PRKCE: variants seen among roughly 807,000 people sequenced by gnomAD.
PRKCE encodes the protein protein kinase C epsilon, also known as protein kinase C epsilon type.
PRKCE carries 16 observed loss-of-function variants against 85.4 expected under a neutral mutation model. That is an observed-to-expected ratio of 0.19 (90% CI 0.13 to 0.28). The LOEUF is 0.28. PRKCE is among the 10% of genes least tolerant of loss of function. The pLI is 1.00. For missense variants in PRKCE, 573 were observed against 975.2 expected (o/e 0.59, Z 5.49); for synonymous variants, 388 against 371.5 (o/e 1.04, Z -0.51).
chr2:46,120,646 G>C (rs1025767102), intron 11 of PRKCE, among the ~76,000 whole-genome samples: 16 of 152,140 alleles, frequency 1.1e-4, no homozygotes, highest in African/African-American at 3.9e-4. Flanking sequence ...GATGATGTAG[G>C]CTTTTTTAAC....
intron 14 of PRKCE, among the ~76,000 whole-genome samples, chr2:46,160,875 G>T (rs1256759517): frequency 6.6e-6 from 1 of 152,206 alleles, no homozygotes; most frequent in African/African-American, 2.4e-5. Flanking sequence ...GGGGGTGGGG[G>T]ATAGTGTCAG....
chr2:45,659,786 C>T (rs1482960154), intron 1 of PRKCE, among the ~76,000 whole-genome samples: 4 of 151,706 alleles, frequency 2.6e-5, no homozygotes, highest in Admixed American at 1.3e-4. Flanking sequence ...TCTGGCAATC[C>T]TATCTAAAAG....
intron 11 of PRKCE, among the ~76,000 whole-genome samples, chr2:46,090,175 A>G (rs182957372): frequency 1.2e-4 from 18 of 152,294 alleles, no homozygotes; most frequent in Admixed American, 1.0e-3. Context: ...CACAGATTCC[A>G]GAGTAATACT....
intron 2 of PRKCE, among the ~76,000 whole-genome samples, chr2:45,934,465 A>G (rs906366030): frequency 6.6e-6 from 1 of 152,124 alleles, no homozygotes; most frequent in African/African-American, 2.4e-5. Flanking sequence ...CCTGGTCAAC[A>G]TAGTAAAACC....
Position 46,007,646 on chromosome 2 carries a change from A to G in PRKCE, c.1248A>G (p.Lys416=), listed in dbSNP as rs529645588. 1.7e-4 allele frequency: 266 copies of G among 1,599,594 alleles called. No individual in the cohort carries two copies. Among genetic ancestry groups the G allele is most frequent in the Non-Finnish European group, 2.0e-4 (231 of 1,179,934 alleles). The change falls in exon 9 of 15, where the codon AAA becomes AAG. Residue 416 remains lysine, a synonymous_variant. Coordinates refer to ENST00000306156, the MANE Select transcript of PRKCE (RefSeq NM_005400.3). ...DEFNFIKVLG[K]GSFGKVMLAE... The stretch of plus-strand genomic sequence containing the variant: ...TCAACTTCATCAAGGTGTTGGGCAA[A>G]GGCAGCTTTGGCAAGGTCTGTGGCA...
At chr2:46,020,282 G>C (rs1486045012) in intron 10 of PRKCE, among the ~76,000 whole-genome samples, 4 of 152,116 alleles carry the variant, frequency 2.6e-5, no homozygotes, top group Non-Finnish European at 4.4e-5. Flanking sequence ...ACTCCACCTG[G>C]CTGTGCAGCT....
At chr2:45,869,328 C>T (rs1341795593) in intron 2 of PRKCE, among the ~76,000 whole-genome samples, 2 of 152,214 alleles carry the variant, frequency 1.3e-5, no homozygotes, top group Non-Finnish European at 2.9e-5. Context: ...GCCATATCTT[C>T]AGGGAAGAGA....
At chr2:45,784,138 A>T (rs1435354375) in intron 1 of PRKCE, among the ~76,000 whole-genome samples, 1 of 152,274 alleles carries the variant, frequency 6.6e-6, no homozygotes, top group Non-Finnish European at 1.5e-5. Flanking sequence ...AAAGAAAAGT[A>T]GCAATGCAAA....
intron 1 of PRKCE, among the ~76,000 whole-genome samples, chr2:45,797,548 C>T (rs555218289): frequency 2.6e-4 from 39 of 152,324 alleles, no homozygotes; most frequent in Middle Eastern, 3.4e-3. Context: ...AGGCTGAGGC[C>T]GTTGTTCTCC....
intron 2 of PRKCE, among the ~76,000 whole-genome samples, chr2:45,954,723 C>G (rs138756152): frequency 2.0e-5 from 3 of 152,274 alleles, no homozygotes; most frequent in Non-Finnish European, 4.4e-5. Flanking sequence ...CAATTACTGT[C>G]AAGAAATGCA....
At chr2:45,966,525 G>A (rs1394953744) in intron 2 of PRKCE, among the ~76,000 whole-genome samples, 1 of 152,162 alleles carries the variant, frequency 6.6e-6, no homozygotes, top group Non-Finnish European at 1.5e-5. Context: ...CAAAATACCA[G>A]GATAGTTGAA....
rs561660976 is a variant in PRKCE, at chr2:46,095,599, G to A, written c.1592+9237G>A. Among the ~76,000 whole-genome samples, 23 of 152,314 alleles carry A rather than the reference G, an allele frequency of 1.5e-4. 1 individual carries two copies. The Middle Eastern group carries it at 0.01, about 68-fold the overall frequency. On this transcript the variant is annotated intron_variant, in intron 11 of 14. Transcript: ENST00000306156. The stretch of plus-strand genomic sequence containing the variant: ...CATATTTCCTGAGCTTTGGGGATAG[G>A]AAGATGGAAATTCTGCAGCAAAAAT...
intron 1 of PRKCE, among the ~76,000 whole-genome samples, chr2:45,824,702 C>A (rs1689806213): frequency 6.6e-6 from 1 of 152,102 alleles, no homozygotes; most frequent in Non-Finnish European, 1.5e-5. Context: ...CATGCCTCTA[C>A]CACCCAGTTT....
At chr2:46,135,794 A>C in intron 11 of PRKCE, among the ~76,000 whole-genome samples, 1 of 106,610 alleles carries the variant, frequency 9.4e-6, no homozygotes, top group African/African-American at 3.8e-5. Flanking sequence ...AAGTAGACAC[A>C]CTTTGCTTGT....
intron 2 of PRKCE, among the ~76,000 whole-genome samples, chr2:45,953,783 C>T (rs1212332087): frequency 1.3e-5 from 2 of 152,186 alleles, no homozygotes; most frequent in Non-Finnish European, 2.9e-5. Context: ...GGGCCACAGG[C>T]GCTGGCTTTC....
chr2:46,110,711 C>T (rs1385699118), intron 11 of PRKCE, among the ~76,000 whole-genome samples: 1 of 150,584 alleles, frequency 6.6e-6, no homozygotes, highest in Non-Finnish European at 1.5e-5. Flanking sequence ...GCTCTGATTT[C>T]TATTATTTGT....
rs145205275 is a variant in PRKCE at position 45,872,199 on chromosome 2, G to A, written c.412+29136G>A. 2.6e-3 allele frequency among the ~76,000 whole-genome samples: 402 copies of A among 152,216 alleles called. 4 individuals carry two copies. The highest frequency in any genetic ancestry group is 9.2e-3 in the African/African-American group (382 of 41,522). ...GGATGCTGGGATGTTAGGGGAACAGGGAGCCCTTTGCGTAACTCTGGAAGG... is the reference window on the plus strand; with the variant it reads ...GGATGCTGGGATGTTAGGGGAACAGAGAGCCCTTTGCGTAACTCTGGAAGG... On this transcript the variant is annotated intron_variant, in intron 2 of 14. Transcript: ENST00000306156.
intron 14 of PRKCE, among the ~76,000 whole-genome samples, chr2:46,168,902 A>G (rs1478248037): frequency 6.6e-6 from 1 of 152,192 alleles, no homozygotes; most frequent in Non-Finnish European, 1.5e-5. Flanking sequence ...CTGGATAAGC[A>G]ATGCCCTCCT....
At chr2:45,709,011 A>G (rs933392365) in intron 1 of PRKCE, among the ~76,000 whole-genome samples, 5 of 152,244 alleles carry the variant, frequency 3.3e-5, no homozygotes, top group Non-Finnish European at 7.3e-5. Context: ...TTACTCTAAT[A>G]TACCAGTTTG....
Sources: gnomAD v4.1 joint callset for allele counts (sites outside exome capture counted in the v4.1 genomes callset) on GRCh38, gnomAD v4.1.1 for gene constraint, MANE v1.5 for transcripts, NCBI Gene and HGNC (gene_info 2026-07-23, HGNC 2026-07-21) for gene names.